SLC15A1: variants seen among roughly 807,000 people sequenced by gnomAD.
The protein encoded by SLC15A1 is Caco-2 oligopeptide transporter.
SLC15A1 carries 83 observed loss-of-function variants against 92.9 expected under a neutral mutation model. The ratio of observed to expected loss-of-function variants is 0.89; its 90% CI spans 0.75 to 1.07. The LOEUF (loss-of-function observed/expected upper bound fraction) is 1.07, where lower values mean the gene tolerates loss of function less well. SLC15A1 is among the 50% of genes least tolerant of loss of function. SLC15A1 has a pLI of 0.00. For missense variants in SLC15A1, 857 were observed against 880.1 expected (o/e 0.97, Z 0.33); for synonymous variants, 322 against 318.2 (o/e 1.01, Z -0.13).
At chr13:98,691,077 C>T (rs999050866) in intron 18 of SLC15A1, among the ~76,000 whole-genome samples, 9 of 151,994 alleles carry the variant, frequency 5.9e-5, no homozygotes, top group Non-Finnish European at 1.3e-4. Flanking sequence ...GGATTCTCAC[C>T]CTGTTGCCCA....
chr13:98,744,463 T>G (rs2088475749), intron 1 of SLC15A1, among the ~76,000 whole-genome samples: 1 of 151,486 alleles, frequency 6.6e-6, no homozygotes, highest in Non-Finnish European at 1.5e-5. Flanking sequence ...TTAAAAGTAA[T>G]GGCAAAGCCG....
chr13:98,695,716 A>G (rs924982645), intron 18 of SLC15A1, among the ~76,000 whole-genome samples: 3 of 151,966 alleles, frequency 2.0e-5, no homozygotes, highest in African/African-American at 7.2e-5. Context: ...TGGCTGATGC[A>G]TTGCCACTTT....
rs772264881 is a variant in SLC15A1 at position 98,721,567 on chromosome 13, ATCTGTT to A, written c.478_483del (p.Asn160_Arg161del). 56 of 1,605,986 alleles carry A rather than the reference ATCTGTT, an allele frequency of 3.5e-5. No individual in the cohort carries two copies. In the African/African-American group the frequency reaches 5.6e-4, roughly 16 times the overall value. ...ATAGCCAAGTAAAAGATGGAAAAAA[ATCTGTT>A]TCTTTGTTTCTCCTGCAATGAAAAG... On this transcript the variant is annotated inframe_deletion, in exon 7 of 23. Transcript: ENST00000376503.
At chr13:98,697,174 G>T (rs1425773769) in intron 18 of SLC15A1, among the ~76,000 whole-genome samples, 1 of 152,112 alleles carries the variant, frequency 6.6e-6, no homozygotes, top group Non-Finnish European at 1.5e-5. Context: ...TCCTGCCTCA[G>T]TCTCCCCAGT....
intron 1 of SLC15A1, among the ~76,000 whole-genome samples, chr13:98,731,080 G>T (rs1449923409): frequency 1.3e-5 from 2 of 152,176 alleles, no homozygotes; most frequent in Non-Finnish European, 2.9e-5. Flanking sequence ...CCAGGTTTCA[G>T]TAGCGGTTCC....
intron 22 of SLC15A1, among the ~76,000 whole-genome samples, chr13:98,685,448 G>T (rs1159259318): frequency 6.6e-6 from 1 of 152,190 alleles, no homozygotes; most frequent in Non-Finnish European, 1.5e-5. Flanking sequence ...AGGAAAGAGT[G>T]TAAGTATCAG....
In SLC15A1 at chr13:98,704,313, C is replaced by A; in HGVS notation, c.1392G>T (p.Val464=). 6.2e-7 allele frequency: 1 copy of A among 1,612,614 alleles called. No homozygotes were observed. Among genetic ancestry groups the A allele is most frequent in the Non-Finnish European group, 8.5e-7 (1 of 1,179,254 alleles). ...FKQGQRHTLL[V]WAPNHYQVVK... ...CCACCTGGTAGTGATTGGGGGCCCA[C>A]ACTAGAAGCGTGTGGCGTTGGCCCT... The change falls in exon 17 of 23, where the codon GTG becomes GTT. Residue 464 remains valine (V), a synonymous_variant. Transcript: ENST00000376503.
intron 1 of SLC15A1, among the ~76,000 whole-genome samples, chr13:98,749,050 G>C (rs547000080): frequency 3.3e-5 from 5 of 152,238 alleles, no homozygotes; most frequent in African/African-American, 1.2e-4. Flanking sequence ...CTGCTGGCTA[G>C]GAGGAGGTGA....
intron 1 of SLC15A1, among the ~76,000 whole-genome samples, chr13:98,738,785 C>T (rs1458171980): frequency 2.6e-5 from 4 of 152,212 alleles, no homozygotes; most frequent in African/African-American, 9.6e-5. Context: ...GGGGTTGGAG[C>T]CCCCACACAG....
intron 1 of SLC15A1, among the ~76,000 whole-genome samples, chr13:98,733,942 A>C (rs1224072705): frequency 1.3e-5 from 2 of 152,158 alleles, no homozygotes; most frequent in African/African-American, 2.4e-5. Flanking sequence ...ACAGTGAGTG[A>C]GTTCTTGTGA....
At chr13:98,708,115 AAGAC>A (rs1478391941) in intron 15 of SLC15A1, among the ~76,000 whole-genome samples, 4 of 152,148 alleles carry the variant, frequency 2.6e-5, no homozygotes, top group East Asian at 3.9e-4. Flanking sequence ...GAACGAGAGA[AAGAC>A]AGAGAGAGAG....
intron 17 of SLC15A1, 87 bp from the exon 18 acceptor site, chr13:98,702,616 G>A: frequency 8.8e-7 from 1 of 1,135,650 alleles, no homozygotes; most frequent in Non-Finnish European, 1.3e-6. Flanking sequence ...CTTTGAGAAG[G>A]TGGTATTGAC....
At chr13:98,730,178 T>A (rs3825429) in intron 1 of SLC15A1, among the ~76,000 whole-genome samples, 13,518 of 140,492 alleles carry the variant, frequency 0.096, 866 homozygotes, top group East Asian at 0.29. Context: ...CCTGGGCAAC[T>A]GAGCGAGACT....
intron 1 of SLC15A1, among the ~76,000 whole-genome samples, chr13:98,751,766 CG>C (rs2088548232): frequency 6.6e-6 from 1 of 152,216 alleles, no homozygotes; most frequent in Non-Finnish European, 1.5e-5. Flanking sequence ...AGGCAGCCAC[CG>C]ACCGACATTC....
intron 22 of SLC15A1, 21 bp downstream of exon 22, chr13:98,686,169 A>G (rs376782901): frequency 4.6e-5 from 72 of 1,558,998 alleles, no homozygotes; most frequent in Non-Finnish European, 1.5e-5. Flanking sequence ...GGTATGTGCA[A>G]TCTCCTCTCC....
chr13:98,722,341 A>T (rs1394719386), intron 5 of SLC15A1, among the ~76,000 whole-genome samples: 2 of 152,234 alleles, frequency 1.3e-5, no homozygotes, highest in Non-Finnish European at 2.9e-5. Flanking sequence ...AGGTAGTATG[A>T]TCTCAGTTTG....
At chr13:98,724,257 A>C (rs1177908247) in intron 4 of SLC15A1, among the ~76,000 whole-genome samples, 1 of 152,180 alleles carries the variant, frequency 6.6e-6, no homozygotes, top group Non-Finnish European at 1.5e-5. Context: ...TAATCCCAGC[A>C]CTTTGGGAGG....
chr13:98,749,571 G>A (rs1308622826), intron 1 of SLC15A1, among the ~76,000 whole-genome samples: 4 of 152,120 alleles, frequency 2.6e-5, no homozygotes, highest in Non-Finnish European at 5.9e-5. Context: ...CGAAGGCTTC[G>A]GAGGCTGCTT....
At chr13:98,738,678 G>A (rs778828038) in intron 1 of SLC15A1, among the ~76,000 whole-genome samples, 3 of 152,268 alleles carry the variant, frequency 2.0e-5, no homozygotes, top group Non-Finnish European at 4.4e-5. Context: ...AGATTTCAGA[G>A]GATATATGGA....
Sources: allele counts gnomAD v4.1 joint callset (sites outside exome capture counted in the v4.1 genomes callset), GRCh38; gene constraint gnomAD v4.1.1; transcripts MANE v1.5; gene names NCBI Gene and HGNC (gene_info 2026-07-23, HGNC 2026-07-21).